DOK6: variants seen among roughly 807,000 people sequenced by gnomAD.
DOK6 encodes downstream of tyrosine kinase 6.
In DOK6, 22 loss-of-function variants were observed where a neutral mutation model predicts 44.0. That is an observed-to-expected ratio of 0.50 (90% CI 0.36 to 0.71). DOK6 has a LOEUF of 0.71. Ranked by LOEUF, DOK6 falls within the 30% of genes least tolerant of loss-of-function variation. DOK6 has a pLI of 0.00. For synonymous variants in DOK6, 166 were observed against 145.5 expected (o/e 1.14, Z -1.01); for missense variants, 340 against 416.4 (o/e 0.82, Z 1.60).
chr18:69,446,667 C>G (rs1979303096), intron 1 of DOK6, among the ~76,000 whole-genome samples: 1 of 152,144 alleles, frequency 6.6e-6, no homozygotes, highest in Admixed American at 6.5e-5. Context: ...GTTTACAGTC[C>G]CACCAACAGT....
chr18:69,741,528 C>T (rs1041062985), intron 6 of DOK6, among the ~76,000 whole-genome samples: 1 of 152,070 alleles, frequency 6.6e-6, no homozygotes, highest in South Asian at 2.1e-4. Flanking sequence ...GACAGGGTCT[C>T]GCTCTGTCAC....
intron 3 of DOK6, among the ~76,000 whole-genome samples, chr18:69,648,045 C>T (rs1195517981): frequency 6.6e-6 from 1 of 152,148 alleles, no homozygotes; most frequent in Non-Finnish European, 1.5e-5. Flanking sequence ...GTTTAGCTAT[C>T]ATATAATCAT....
intron 2 of DOK6, among the ~76,000 whole-genome samples, chr18:69,587,066 T>C (rs1983519933): frequency 6.6e-6 from 1 of 152,216 alleles, no homozygotes; most frequent in African/African-American, 2.4e-5. Context: ...TGTCTTTCTA[T>C]TTTACGTTCA....
intron 7 of DOK6, among the ~76,000 whole-genome samples, chr18:69,785,185 T>C (rs1376793527): frequency 1.3e-5 from 2 of 152,314 alleles, no homozygotes; most frequent in African/African-American, 2.4e-5. Flanking sequence ...TCTGTTAATA[T>C]AGTAAAGAAG....
chr18:69,745,903 G>A (rs75975835), intron 6 of DOK6, among the ~76,000 whole-genome samples: 4,703 of 152,186 alleles, frequency 0.031, 133 homozygotes, highest in East Asian at 0.087. Context: ...CTTTCATTAC[G>A]TGCAGATATT....
intron 3 of DOK6, among the ~76,000 whole-genome samples, chr18:69,638,484 T>G (rs1228808146): frequency 2.9e-5 from 1 of 34,274 alleles, no homozygotes; most frequent in East Asian, 1.6e-3. Flanking sequence ...TGGGTATACT[T>G]ATTCTTTTTT....
Position 69,507,323 on chromosome 18 carries a change from A to G in DOK6, c.67-57164A>G, listed in dbSNP as rs187452692. On this transcript the variant is annotated intron_variant, in intron 1 of 7. Coordinates refer to ENST00000382713, the MANE Select transcript of DOK6 (RefSeq NM_152721.6). ...ATTACAGGCGTGAGCCACCGTGCCC[A>G]GCCGGTAATTATAGTTTTAAAATAA... is the stretch of plus-strand genomic sequence containing the variant. 4.3e-3 allele frequency among the ~76,000 whole-genome samples: 660 copies of G among 152,144 alleles called. 2 individuals carry two copies. The highest frequency in any genetic ancestry group is 0.021 in the South Asian group (100 of 4,814).
intron 1 of DOK6, among the ~76,000 whole-genome samples, chr18:69,493,138 T>A (rs957536867): frequency 6.6e-6 from 1 of 152,204 alleles, no homozygotes; most frequent in Non-Finnish European, 1.5e-5. Context: ...TTATAATCTC[T>A]CTATATCAAC....
chr18:69,617,893 A>T (rs7232234), intron 3 of DOK6, among the ~76,000 whole-genome samples: 1 of 152,062 alleles, frequency 6.6e-6, no homozygotes, highest in Non-Finnish European at 1.5e-5. Context: ...TGAATGTGAC[A>T]TTATGCAGAA....
chr18:69,768,890 G>T (rs947353793), intron 7 of DOK6, among the ~76,000 whole-genome samples: 17 of 150,266 alleles, frequency 1.1e-4, no homozygotes, highest in African/African-American at 3.7e-4. Context: ...CCAATATTTT[G>T]AAACTCAGGA....
chr18:69,504,857 T>G (rs1245317085), intron 1 of DOK6, among the ~76,000 whole-genome samples: 1 of 152,192 alleles, frequency 6.6e-6, no homozygotes, highest in Non-Finnish European at 1.5e-5. Flanking sequence ...CACCAATATC[T>G]CAGTTTTGTT....
At chr18:69,790,731 C>T (rs1388750039) in intron 7 of DOK6, among the ~76,000 whole-genome samples, 2 of 152,046 alleles carry the variant, frequency 1.3e-5, no homozygotes, top group Non-Finnish European at 2.9e-5. Flanking sequence ...GCATAACAAT[C>T]ACATCAGGGG....
At chr18:69,444,851 T>A (rs1224449233) in intron 1 of DOK6, among the ~76,000 whole-genome samples, 1 of 152,112 alleles carries the variant, frequency 6.6e-6, no homozygotes, top group East Asian at 1.9e-4. Context: ...TACAATTCCA[T>A]ATGAATTTTG....
chr18:69,553,742 A>T (rs540591841), intron 1 of DOK6, among the ~76,000 whole-genome samples: 1 of 152,186 alleles, frequency 6.6e-6, no homozygotes, highest in Admixed American at 6.6e-5. Context: ...CCAGACTCCA[A>T]TTGAAAATCC....
chr18:69,789,423 G>C (rs1980528416), intron 7 of DOK6, among the ~76,000 whole-genome samples: 1 of 152,040 alleles, frequency 6.6e-6, no homozygotes, highest in Non-Finnish European at 1.5e-5. Flanking sequence ...TATAAATAAA[G>C]TGGATGACCC....
chr18:69,523,807 T>G (rs1981753536), intron 1 of DOK6, among the ~76,000 whole-genome samples: 1 of 151,628 alleles, frequency 6.6e-6, no homozygotes, highest in Non-Finnish European at 1.5e-5. Flanking sequence ...TGTGTCATGC[T>G]GATAACCCCA....
At chr18:69,668,290 C>T (rs1402852729) in intron 3 of DOK6, among the ~76,000 whole-genome samples, 1 of 151,950 alleles carries the variant, frequency 6.6e-6, no homozygotes, top group Non-Finnish European at 1.5e-5. Flanking sequence ...TTAGTGGCAA[C>T]TTTATTTTTG....
rs34596745 is a variant in DOK6 at position 69,614,544 on chromosome 18, TTGTG to T, written c.289+15074_289+15077del. ...ACGTAATTATCACTTTATTTTTTCT[TTGTG>T]TGTGTGTGTGTGTGTGTGTGTGTGT... is the stretch of plus-strand genomic sequence containing the variant. On this transcript the variant is annotated intron_variant, in intron 3 of 7. Transcript: ENST00000382713. Among the ~76,000 whole-genome samples the T allele has an allele frequency of 6.3e-3, 944 of 148,952 alleles. 8 individuals carry two copies. The highest frequency in any genetic ancestry group is 0.015 in the African/African-American group (618 of 40,580).
At chr18:69,681,247 G>A (rs1986037208) in intron 4 of DOK6, among the ~76,000 whole-genome samples, 1 of 152,140 alleles carries the variant, frequency 6.6e-6, no homozygotes, top group Non-Finnish European at 1.5e-5. Flanking sequence ...TATTCTATCA[G>A]TATCAAGTCA....
Sources: gnomAD v4.1 joint callset for allele counts (sites outside exome capture counted in the v4.1 genomes callset) on GRCh38, gnomAD v4.1.1 for gene constraint, MANE v1.5 for transcripts, NCBI Gene and HGNC (gene_info 2026-07-23, HGNC 2026-07-21) for gene names.